The following GBE1 variants were observed in gnomAD, a reference collection of about 807,000 sequenced individuals.
GBE1 encodes the protein 1,4-alpha-glucan branching enzyme 1, also known as 1,4-alpha-glucan-branching enzyme.
A neutral mutation model predicts 88.8 loss-of-function variants in GBE1; 70 were observed. That is an observed-to-expected ratio of 0.79 (90% confidence interval 0.65 to 0.96). GBE1 has a LOEUF of 0.96. GBE1 is among the 40% of genes least tolerant of loss of function. GBE1 has a pLI of 0.00. For synonymous variants in GBE1, 284 were observed against 300.1 expected (o/e 0.95, Z 0.56); for missense variants, 872 against 871.0 (o/e 1.00, Z -0.01).
chr3:81,501,590 T>C (rs769212628), intron 14 of GBE1, among the ~76,000 whole-genome samples: 2 of 152,044 alleles, frequency 1.3e-5, no homozygotes, highest in Admixed American at 6.6e-5. Flanking sequence ...AACACTTTCA[T>C]TTTAGTCACC....
In GBE1 at chr3:81,499,234, C is replaced by A. The variant is rs1474858058; in HGVS notation, c.1935-7G>T. 2.0e-6 allele frequency: 3 copies of A among 1,527,794 alleles called. No homozygotes were observed. The highest frequency in any genetic ancestry group is 2.7e-6 in the Non-Finnish European group (3 of 1,105,118). 94.6% of individuals were successfully genotyped at this position (1,527,794 alleles called of 1,614,324 possible). A position where few individuals can be genotyped will look rare whatever the true frequency, so the allele number is the denominator to read the frequency against. The stretch of plus-strand genomic sequence containing the variant: ...ATCTAGCACAATTTTGAATGTACAG[C>A]TCTTAAGGAATTCACAACAGTTGAG... On this transcript the variant is annotated splice_region_variant and splice_polypyrimidine_tract_variant and intron_variant, in intron 14 of 15. Transcript: ENST00000429644.
intron 15 of GBE1, among the ~76,000 whole-genome samples, chr3:81,496,827 G>A (rs997218492): frequency 1.3e-5 from 2 of 152,084 alleles, no homozygotes; most frequent in Admixed American, 6.6e-5. Flanking sequence ...ACATTAAAAC[G>A]AGTGATCTTA....
chr3:81,594,716 A>ACATC (rs1289278400), intron 7 of GBE1, among the ~76,000 whole-genome samples: 2 of 152,058 alleles, frequency 1.3e-5, no homozygotes, highest in Non-Finnish European at 2.9e-5. Context: ...TAAGAGTCCT[A>ACATC]CATCCATAAA....
At chr3:81,619,268 C>T (rs1448371516) in intron 7 of GBE1, among the ~76,000 whole-genome samples, 1 of 151,868 alleles carries the variant, frequency 6.6e-6, no homozygotes, top group African/African-American at 2.4e-5. Flanking sequence ...TCTTTATGAA[C>T]TTGATCCAAA....
Position 81,518,508 on chromosome 3 carries a change from T to G in GBE1, c.1934+16687A>C, listed in dbSNP as rs141909174. Among the ~76,000 whole-genome samples, 5 of 151,558 alleles carry G rather than the reference T, an allele frequency of 3.3e-5. No individual in the cohort carries two copies. The East Asian group carries it at 9.7e-4, about 30-fold the overall frequency. ...ATTTTAATCATGCAAAATATTTTTC[T>G]TACTTGGTGATTCATCCCTAATTCC... is the stretch of plus-strand genomic sequence containing the variant. On this transcript the variant is annotated intron_variant, in intron 14 of 15. Transcript: ENST00000429644.
At position 81,705,589 on chromosome 3, in the gene GBE1, CA is replaced by C; in HGVS notation, c.167del (p.Leu56Ter). 6.4e-7 allele frequency: 1 copy of C among 1,565,372 alleles called. No homozygotes were observed. The highest frequency in any genetic ancestry group is 1.9e-5 in the Admixed American group (1 of 52,832). On this transcript the variant is annotated frameshift_variant, in exon 2 of 16. Transcript: ENST00000429644. LOFTEE classifies it high-confidence loss of function. ...QRRYKQFSQI[L>X]KNIGENEGGI... is the part of the protein sequence containing the mutation. ...CACCTTCATTTTCTCCAATGTTCTTCAAAATTTGGCTAAACTGCTTATACCT... is the reference window on the plus strand; with the variant it reads ...CACCTTCATTTTCTCCAATGTTCTTCAAATTTGGCTAAACTGCTTATACCT...
chr3:81,609,055 T>A (rs1474689329), intron 7 of GBE1, among the ~76,000 whole-genome samples: 1 of 152,176 alleles, frequency 6.6e-6, no homozygotes, highest in Non-Finnish European at 1.5e-5. Context: ...AGAGTTATTT[T>A]TAACAAGGTC....
chr3:81,612,293 T>C lies in GBE1; in HGVS notation c.993-18270A>G, dbSNP rs1704193233. The C allele has an allele frequency of 4.8e-6, 4 of 825,668 alleles. 1 individual carries two copies. In the South Asian group the frequency reaches 4.9e-5, roughly 10 times the overall value. 51.1% of individuals were successfully genotyped at this position (825,668 alleles called of 1,614,324 possible). A position where few individuals can be genotyped will look rare whatever the true frequency, so the allele number is the denominator to read the frequency against. On this transcript the variant is annotated intron_variant, in intron 7 of 15. Coordinates refer to ENST00000429644, the MANE Select transcript of GBE1 (RefSeq NM_000158.4). ...ATGTTGCCTCTTCCTGCTGGCTTTA[T>C]TCTGCGTTTGACTTTAATGTTTCGT...
intron 1 of GBE1, among the ~76,000 whole-genome samples, chr3:81,730,788 T>C (rs1706175411): frequency 6.6e-6 from 1 of 152,116 alleles, no homozygotes; most frequent in Non-Finnish European, 1.5e-5. Context: ...GTGTAGCCAA[T>C]ACGGAGGCAG....
At chr3:81,540,065 G>T (rs1703125092) in intron 12 of GBE1, among the ~76,000 whole-genome samples, 1 of 151,950 alleles carries the variant, frequency 6.6e-6, no homozygotes, top group South Asian at 2.1e-4. Context: ...GCAGGGTAAA[G>T]GGGACATTAG....
At chr3:81,536,340 C>G (rs1016608501) in intron 13 of GBE1, among the ~76,000 whole-genome samples, 1 of 151,770 alleles carries the variant, frequency 6.6e-6, no homozygotes, top group Non-Finnish European at 1.5e-5. Context: ...AAAAAAGAAG[C>G]CTGTATAAAA....
chr3:81,565,571 C>G (rs1044605280), intron 12 of GBE1, among the ~76,000 whole-genome samples: 1 of 152,054 alleles, frequency 6.6e-6, no homozygotes, highest in African/African-American at 2.4e-5. Context: ...GAGAATGTAA[C>G]ATATTCATTA....
intron 7 of GBE1, among the ~76,000 whole-genome samples, chr3:81,627,989 T>C (rs918519841): frequency 1.3e-5 from 2 of 151,974 alleles, no homozygotes; most frequent in East Asian, 1.9e-4. Flanking sequence ...TTAAATCTTA[T>C]AATAGCTCCA....
intron 1 of GBE1, among the ~76,000 whole-genome samples, chr3:81,735,440 A>G (rs1333707059): frequency 1.3e-5 from 2 of 152,290 alleles, no homozygotes; most frequent in Admixed American, 6.5e-5. Context: ...CAAGGGGTCA[A>G]TGTGAAAATT....
At chr3:81,600,089 T>A (rs560267933) in intron 7 of GBE1, among the ~76,000 whole-genome samples, 2 of 152,056 alleles carry the variant, frequency 1.3e-5, no homozygotes, top group East Asian at 3.9e-4. Flanking sequence ...CTGGCCAACA[T>A]TGTGAAACCC....
intron 3 of GBE1, among the ~76,000 whole-genome samples, chr3:81,652,482 G>T (rs1025744505): frequency 6.6e-6 from 1 of 152,086 alleles, no homozygotes. Context: ...TTCTACTAGG[G>T]TTGCTTGTTG....
intron 3 of GBE1, among the ~76,000 whole-genome samples, chr3:81,657,776 T>G (rs182841474): frequency 6.6e-6 from 1 of 152,270 alleles, no homozygotes; most frequent in African/African-American, 2.4e-5. Context: ...ATCTCTTTCT[T>G]TGCCTCATAA....
chr3:81,723,395 C>A (rs1292841090), intron 1 of GBE1, among the ~76,000 whole-genome samples: 3 of 151,640 alleles, frequency 2.0e-5, no homozygotes, highest in African/African-American at 7.3e-5. Flanking sequence ...GCCACTGCGC[C>A]CAGCCAAATA....
chr3:81,598,557 A>G (rs899278833), intron 7 of GBE1, among the ~76,000 whole-genome samples: 26 of 152,102 alleles, frequency 1.7e-4, no homozygotes, highest in African/African-American at 6.0e-4. Flanking sequence ...CCAACAATTA[A>G]AAATATTATG....
Sources: allele counts gnomAD v4.1 joint callset (sites outside exome capture counted in the v4.1 genomes callset), GRCh38; gene constraint gnomAD v4.1.1; transcripts MANE v1.5; gene names NCBI Gene and HGNC (gene_info 2026-07-23, HGNC 2026-07-21).